Variants in OR9K2 observed in about 807,000 individuals in gnomAD.
The protein encoded by OR9K2 is olfactory receptor family 9 subfamily K member 2, also known as olfactory receptor 9K2.
OR9K2 carries 16 observed loss-of-function variants against 12.4 expected under a neutral mutation model. The ratio of observed to expected loss-of-function variants is 1.29; its 90% CI spans 0.87 to 1.95. The LOEUF is 1.95. Ranked by LOEUF, OR9K2 falls within the 30% of genes most tolerant of loss-of-function variation. The pLI is 0.00. For missense variants in OR9K2, 434 were observed against 376.5 expected, an observed-to-expected ratio of 1.15 and a Z score of -1.26; for synonymous variants, 133 against 133.2, an observed-to-expected ratio of 1.00 and a Z score of 0.01.
Position 55,130,963 on chromosome 12 carries a change from A to G in OR9K2, c.*187A>G, listed in dbSNP as rs1228744889. 1 of 497,624 alleles carries G rather than the reference A, an allele frequency of 2.0e-6. No individual in the cohort carries two copies. The highest frequency in any genetic ancestry group is 3.5e-6 in the Non-Finnish European group (1 of 282,160). 30.8% of individuals were successfully genotyped at this position (497,624 alleles called of 1,614,324 possible). On this transcript the variant is annotated 3_prime_UTR_variant, in exon 3 of 3. Coordinates refer to ENST00000641329, the MANE Select transcript of OR9K2 (RefSeq NM_001005243.2). ...ATTCTGAAAATCTTGGATATTGGAG[A>G]TATCCTGGACATTAGAGAAGTATTT...
rs989390326 is a variant in OR9K2, at chr12:55,131,907, A to T, written c.*1131A>T. 4 of 152,194 alleles carry T rather than the reference A, an allele frequency of 2.6e-5. No individual in the cohort carries two copies. Among genetic ancestry groups the T allele is most frequent in the Admixed American group, 2.6e-4 (4 of 15,268 alleles). 9.4% of individuals were successfully genotyped at this position (152,194 alleles called of 1,614,324 possible). A position where few individuals can be genotyped will look rare whatever the true frequency, so the allele number is the denominator to read the frequency against. ...AATGGTATGTCGATATTAATGAACA[A>T]AGGCAGATTTTTTAAACTGCAGGTA... On this transcript the variant is annotated 3_prime_UTR_variant, in exon 3 of 3. Coordinates refer to ENST00000641329, the MANE Select transcript of OR9K2 (RefSeq NM_001005243.2).
rs765700436 is a variant in OR9K2, at chr12:55,129,985, A to T, written c.151A>T (p.Ile51Phe). 1 of 1,614,010 alleles carries T rather than the reference A, an allele frequency of 6.2e-7. No individual in the cohort carries two copies. The highest frequency in any genetic ancestry group is 8.5e-7 in the Non-Finnish European group (1 of 1,179,972). Residue 51 changes from isoleucine (I) to phenylalanine (F), a missense_variant, in exon 3 of 3, where the codon ATT becomes TTT. Physicochemically the swap from Ile to Phe is conservative, Grantham distance 21. Coordinates refer to ENST00000641329, the MANE Select transcript of OR9K2 (RefSeq NM_001005243.2). ...TCTAGGGAATGTTGGGATGATGACC[A>T]TTATTATGACTGATCCTCGGCTGAA... ...ILLGNVGMMT[I>F]IMTDPRLNTP...
Position 55,129,825 on chromosome 12 carries a change from G to GGCACAGGGTGCCT in OR9K2, c.-9_-8insCACAGGGTGCCTG. On this transcript the variant is annotated splice_region_variant and 5_prime_UTR_variant. Coordinates refer to ENST00000641329, the MANE Select transcript of OR9K2 (RefSeq NM_001005243.2). ...ATATTTTGCCCTGTGCCTCTCAACA[G>GGCACAGGGTGCCT]GTTTCTACCATGGGTGACAGGGGAA... 1 of 1,613,266 alleles carries GGCACAGGGTGCCT rather than the reference G, an allele frequency of 6.2e-7. No homozygotes were observed. Among genetic ancestry groups the GGCACAGGGTGCCT allele is most frequent in the Non-Finnish European group, 8.5e-7 (1 of 1,179,274 alleles).
rs1953469255 is a variant in OR9K2, at chr12:55,130,981, A to G, written c.*205A>G. On this transcript the variant is annotated 3_prime_UTR_variant, in exon 3 of 3. Transcript: ENST00000641329. ...ATTGGAGATATCCTGGACATTAGAGAAGTATTTTCATGATAAACCCTCTCA... is the reference window on the plus strand; with the variant it reads ...ATTGGAGATATCCTGGACATTAGAGGAGTATTTTCATGATAAACCCTCTCA... 2.4e-6 allele frequency: 1 copy of G among 415,650 alleles called. No individual in the cohort carries two copies. The highest frequency in any genetic ancestry group is 4.0e-5 in the East Asian group (1 of 25,052). 25.7% of individuals were successfully genotyped at this position (415,650 alleles called of 1,614,324 possible). A position where few individuals can be genotyped will look rare whatever the true frequency, so the allele number is the denominator to read the frequency against.
At chr12:55,129,665 A>G in intron 2 of OR9K2, 161 bp from the exon 3 acceptor site, 1 of 793,122 alleles carries the variant, frequency 1.3e-6, no homozygotes, top group Non-Finnish European at 2.0e-6. Flanking sequence ...TTCAACAGCA[A>G]TTGATTGGCT....
intron 2 of OR9K2, among the ~76,000 whole-genome samples, chr12:55,127,833 T>C (rs1384184996): frequency 6.6e-6 from 1 of 152,090 alleles, no homozygotes; most frequent in Admixed American, 6.6e-5. Flanking sequence ...TAGTTTACCA[T>C]AAATGGTGCT....
chr12:55,127,338 C>A (rs959067357), intron 2 of OR9K2, among the ~76,000 whole-genome samples: 2 of 151,718 alleles, frequency 1.3e-5, no homozygotes, highest in South Asian at 2.1e-4. Flanking sequence ...TTAAAATAAT[C>A]TGTTTTGCTT....
chr12:55,129,304 T>C (rs1283888893), intron 2 of OR9K2, among the ~76,000 whole-genome samples: 1 of 152,094 alleles, frequency 6.6e-6, no homozygotes, highest in Non-Finnish European at 1.5e-5. Context: ...TGAAAGGTAA[T>C]TGCACTTCTC....
intron 1 of OR9K2, 144 bp from the exon 2 acceptor site, chr12:55,126,684 G>A (rs937882139): frequency 2.2e-4 from 34 of 152,164 alleles, no homozygotes; most frequent in African/African-American, 6.5e-4. Flanking sequence ...AGGCACATAA[G>A]CCACATTTAT....
chr12:55,131,045 T>C lies in OR9K2; in HGVS notation c.*269T>C, dbSNP rs113680295. The C allele has an allele frequency of 1.4e-5, 4 of 282,230 alleles. No individual in the cohort carries two copies. Among genetic ancestry groups the C allele is most frequent in the African/African-American group, 6.6e-5 (3 of 45,404 alleles). The allele number at this position is 282,230 out of a possible 1,614,324, so 17.5% of individuals were successfully genotyped here. On this transcript the variant is annotated 3_prime_UTR_variant, in exon 3 of 3. Transcript: ENST00000641329. ...TTTTATTTCACAGAATTTATATCTA[T>C]TGATTCTTGTGGCATAATGTAGAAC...
At position 55,131,884 on chromosome 12, in the gene OR9K2, T is replaced by C. The variant is rs1211291995; in HGVS notation, c.*1108T>C. 3 of 152,170 alleles carry C rather than the reference T, an allele frequency of 2.0e-5. No individual in the cohort carries two copies. The East Asian group carries it at 5.8e-4, about 29-fold the overall frequency. The allele number at this position is 152,170 out of a possible 1,614,324, so 9.4% of individuals were successfully genotyped here. A position where few individuals can be genotyped will look rare whatever the true frequency, so the allele number is the denominator to read the frequency against. On this transcript the variant is annotated 3_prime_UTR_variant, in exon 3 of 3. Coordinates refer to ENST00000641329, the MANE Select transcript of OR9K2 (RefSeq NM_001005243.2). Reference sequence around the variant, plus strand: ...GTTTATAATATTGATGTGGGCTCAATGGTATGTCGATATTAATGAACAAAG... The same window carrying C: ...GTTTATAATATTGATGTGGGCTCAACGGTATGTCGATATTAATGAACAAAG...
chr12:55,132,415 T>G lies in OR9K2; in HGVS notation c.*1639T>G, dbSNP rs1953481195. ...ATAAATCCTAATTCAGTATCATTTG[T>G]GTCCCTATAGAAAGAGGAGATTAGG... On this transcript the variant is annotated 3_prime_UTR_variant, in exon 3 of 3. Transcript: ENST00000641329. 6.6e-6 allele frequency: 1 copy of G among 152,230 alleles called. No individual in the cohort carries two copies. The highest frequency in any genetic ancestry group is 2.4e-5 in the African/African-American group (1 of 41,472). The allele number at this position is 152,230 out of a possible 1,614,324, so 9.4% of individuals were successfully genotyped here.
Position 55,131,041 on chromosome 12 carries a change from T to G in OR9K2, c.*265T>G, listed in dbSNP as rs1215189156. The G allele has an allele frequency of 3.5e-6, 1 of 289,814 alleles. No homozygotes were observed. 18.0% of individuals were successfully genotyped at this position (289,814 alleles called of 1,614,324 possible). A position where few individuals can be genotyped will look rare whatever the true frequency, so the allele number is the denominator to read the frequency against. ...AACATTTTATTTCACAGAATTTATA[T>G]CTATTGATTCTTGTGGCATAATGTA... On this transcript the variant is annotated 3_prime_UTR_variant, in exon 3 of 3. Transcript: ENST00000641329.
In OR9K2 at chr12:55,130,561, A is replaced by G; in HGVS notation, c.727A>G (p.Thr243Ala). The change falls in exon 3 of 3, where the codon ACC becomes GCC. Residue 243 changes from threonine (T) to alanine (A), a missense_variant. Transcript: ENST00000641329. ...STEGHKKAFS[T>A]CSSHLGVVSV... ...TGAGGGACATAAGAAGGCCTTCTCCACCTGCAGCTCTCACCTGGGAGTTGT... is the reference window on the plus strand; with the variant it reads ...TGAGGGACATAAGAAGGCCTTCTCCGCCTGCAGCTCTCACCTGGGAGTTGT... The G allele has an allele frequency of 6.2e-7, 1 of 1,613,840 alleles. No individual in the cohort carries two copies. Among genetic ancestry groups the G allele is most frequent in the Non-Finnish European group, 8.5e-7 (1 of 1,179,796 alleles).
In OR9K2 at chr12:55,132,113, A is replaced by C. The variant is rs1192866655; in HGVS notation, c.*1337A>C. Reference sequence around the variant, plus strand: ...TTGCCTTGATGAACATGTATGAAAAACCTACAGTGAACATTTTAAATGACA... The same window carrying C: ...TTGCCTTGATGAACATGTATGAAAACCCTACAGTGAACATTTTAAATGACA... On this transcript the variant is annotated 3_prime_UTR_variant, in exon 3 of 3. Transcript: ENST00000641329. The C allele has an allele frequency of 6.6e-6, 1 of 152,124 alleles. No homozygotes were observed. Among genetic ancestry groups the C allele is most frequent in the African/African-American group, 2.4e-5 (1 of 41,416 alleles). The allele number at this position is 152,124 out of a possible 1,614,324, so 9.4% of individuals were successfully genotyped here. A position where few individuals can be genotyped will look rare whatever the true frequency, so the allele number is the denominator to read the frequency against.
At position 55,130,308 on chromosome 12, in the gene OR9K2, C is replaced by T. The variant is rs1953462610; in HGVS notation, c.474C>T (p.Ser158=). Residue 158 remains serine, a synonymous_variant, in exon 3 of 3, where the codon AGC becomes AGT. Transcript: ENST00000641329. ...VAGSYFCGCI[S]SVIQTSMTFT... is the part of the protein sequence containing the mutation. ...GTTCCTATTTTTGTGGCTGCATTAGCTCAGTTATTCAGACTAGCATGACAT... is the reference window on the plus strand; with the variant it reads ...GTTCCTATTTTTGTGGCTGCATTAGTTCAGTTATTCAGACTAGCATGACAT... The T allele has an allele frequency of 6.2e-7, 1 of 1,613,878 alleles. No homozygotes were observed. The highest frequency in any genetic ancestry group is 1.3e-5 in the African/African-American group (1 of 74,904).
chr12:55,128,753 G>T (rs1953445968), intron 2 of OR9K2, among the ~76,000 whole-genome samples: 1 of 152,012 alleles, frequency 6.6e-6, no homozygotes, highest in Non-Finnish European at 1.5e-5. Context: ...ATCTATTTGA[G>T]CAGTAATGAG....
Position 55,130,401 on chromosome 12 carries a change from AC to A in OR9K2, c.568del (p.Leu190CysfsTer11), listed in dbSNP as rs1953464118. 1.2e-6 allele frequency: 2 copies of A among 1,613,886 alleles called. No homozygotes were observed. The highest frequency in any genetic ancestry group is 2.2e-5 in the East Asian group (1 of 44,886). The part of the protein sequence containing the change: ...FYCDSRPLQR[L>X]SCSDLFIHRM... ...ACTGTGATTCTCGCCCACTTCAGAGACTGTCTTGTTCTGATCTCTTTATCCA... is the reference window on the plus strand; with the variant it reads ...ACTGTGATTCTCGCCCACTTCAGAGATGTCTTGTTCTGATCTCTTTATCCA... On this transcript the variant is annotated frameshift_variant, in exon 3 of 3. Coordinates refer to ENST00000641329, the MANE Select transcript of OR9K2 (RefSeq NM_001005243.2). LOFTEE classifies it high-confidence loss of function.
intron 2 of OR9K2, among the ~76,000 whole-genome samples, chr12:55,129,035 A>T (rs1220177208): frequency 3.3e-5 from 5 of 152,166 alleles, no homozygotes; most frequent in African/African-American, 1.2e-4. Flanking sequence ...TGGTGATTAA[A>T]TGATCTGTAC....
Sources: allele counts gnomAD v4.1 joint callset (sites outside exome capture counted in the v4.1 genomes callset), GRCh38; gene constraint gnomAD v4.1.1; transcripts MANE v1.5; gene names NCBI Gene and HGNC (gene_info 2026-07-23, HGNC 2026-07-21).